Variants in HMGB1 observed in about 807,000 individuals in gnomAD.
HMGB1 encodes the protein high mobility group box 1.
For missense variants in HMGB1, 79 were observed against 253.5 expected (o/e 0.31, Z 4.67); for synonymous variants, 81 against 84.0 (o/e 0.96, Z 0.19).
intron 1 of HMGB1, among the ~76,000 whole-genome samples, chr13:30,538,536 C>CTTTCCTTTCTTT (rs1555238790): frequency 9.5e-6 from 1 of 105,298 alleles, no homozygotes; most frequent in African/African-American, 4.7e-5. Context: ...TTCTTTCTTT[C>CTTTCCTTTCTTT]CTTTCTTTCT....
At chr13:30,571,484 C>T (rs902487588) in intron 1 of HMGB1, among the ~76,000 whole-genome samples, 12 of 151,900 alleles carry the variant, frequency 7.9e-5, no homozygotes, top group South Asian at 6.2e-4. Flanking sequence ...TTAGTAGAGA[C>T]GGGGTTTCAC....
intron 1 of HMGB1, among the ~76,000 whole-genome samples, chr13:30,572,595 G>A (rs961574111): frequency 6.6e-6 from 1 of 152,134 alleles, no homozygotes; most frequent in South Asian, 2.1e-4. Context: ...TATTTCACCA[G>A]AGCAAGATAT....
chr13:30,538,637 TTCTTCC>T lies in HMGB1; in HGVS notation c.-14-74949_-14-74944del, dbSNP rs1485726372. On this transcript the variant is annotated intron_variant, in intron 1 of 4. Coordinates refer to the HMGB1 transcript ENST00000405805. ...TCTTTCTCTCTCTCTTTCTTTTTCT[TTCTTCC>T]TTTCTTTCTTTCTTTCTTTCCTTTC... Among the ~76,000 whole-genome samples, 192 of 121,154 alleles carry T rather than the reference TTCTTCC, an allele frequency of 1.6e-3. 10 individuals carry two copies. The highest frequency in any genetic ancestry group is 6.8e-3 in the African/African-American group (170 of 24,910). 79.5% of individuals were successfully genotyped at this position (121,154 alleles called of 152,430 possible).
At chr13:30,485,446 C>T (rs745963985) in intron 1 of HMGB1, among the ~76,000 whole-genome samples, 12 of 152,332 alleles carry the variant, frequency 7.9e-5, no homozygotes, top group Admixed American at 2.6e-4. Context: ...CTCAGCATGC[C>T]GCAGCCATCA....
At chr13:30,615,236 C>A (rs1950549630) in intron 1 of HMGB1, among the ~76,000 whole-genome samples, 1 of 152,078 alleles carries the variant, frequency 6.6e-6, no homozygotes, top group South Asian at 2.1e-4. Context: ...ACTGAAATAA[C>A]TAAAATGTCT....
At chr13:30,580,440 A>G (rs1870849048) in intron 1 of HMGB1, among the ~76,000 whole-genome samples, 2 of 152,240 alleles carry the variant, frequency 1.3e-5, no homozygotes. Flanking sequence ...TTGGGCTCAC[A>G]GTTAGACATC....
upstream of HMGB1, among the ~76,000 whole-genome samples, chr13:30,470,288 C>T (rs957157923): frequency 1.3e-5 from 2 of 152,182 alleles, no homozygotes; most frequent in Non-Finnish European, 2.9e-5. Context: ...TGAAGGAGTA[C>T]GTATTGCAAA....
At chr13:30,535,430 G>A (rs2137491397) in intron 1 of HMGB1, among the ~76,000 whole-genome samples, 1 of 152,338 alleles carries the variant, frequency 6.6e-6, no homozygotes, top group African/African-American at 2.4e-5. Flanking sequence ...CTGGAAAGAT[G>A]ATTGATACTA....
At chr13:30,583,435 C>G (rs1246463027) in intron 1 of HMGB1, among the ~76,000 whole-genome samples, 1 of 144,758 alleles carries the variant, frequency 6.9e-6, no homozygotes, top group African/African-American at 2.6e-5. Flanking sequence ...GGCGGCTGAG[C>G]TGGGAGGATC....
intron 1 of HMGB1, chr13:30,464,023 G>C (rs549485718): frequency 2.5e-6 from 2 of 811,034 alleles, no homozygotes; most frequent in Non-Finnish European, 3.0e-6. Flanking sequence ...TTAAAATCTA[G>C]AACACCATTT....
chr13:30,502,757 C>T (rs186668589), intron 1 of HMGB1, among the ~76,000 whole-genome samples: 1 of 152,074 alleles, frequency 6.6e-6, no homozygotes, highest in East Asian at 1.9e-4. Context: ...CTCACTGCAA[C>T]CTCTGCCTCC....
At chr13:30,560,708 G>A (rs550476332) in intron 1 of HMGB1, among the ~76,000 whole-genome samples, 1 of 152,276 alleles carries the variant, frequency 6.6e-6, no homozygotes, top group South Asian at 2.1e-4. Context: ...AGAGAATAAA[G>A]AAGAAAGGAT....
chr13:30,468,674 C>T (rs896521465), upstream of HMGB1, among the ~76,000 whole-genome samples: 3 of 152,148 alleles, frequency 2.0e-5, no homozygotes, highest in African/African-American at 7.2e-5. Context: ...AGTTTAAAAA[C>T]CACCACTTGC....
chr13:30,513,874 T>C (rs1045161689), intron 1 of HMGB1, among the ~76,000 whole-genome samples: 1 of 152,172 alleles, frequency 6.6e-6, no homozygotes, highest in Non-Finnish European at 1.5e-5. Context: ...ATTCAAACCA[T>C]AGCAATACTA....
intron 1 of HMGB1, among the ~76,000 whole-genome samples, chr13:30,593,584 T>G: frequency 6.6e-6 from 1 of 152,250 alleles, no homozygotes; most frequent in East Asian, 1.9e-4. Context: ...TATCTTACTC[T>G]AAACATTTTC....
Position 30,577,026 on chromosome 13 carries a change from C to A in HMGB1, c.-15+39645G>T, listed in dbSNP as rs570626994. 9.3e-4 allele frequency among the ~76,000 whole-genome samples: 142 copies of A among 152,228 alleles called. 3 individuals carry two copies. The highest frequency in any genetic ancestry group is 3.2e-3 in the African/African-American group (133 of 41,542). On this transcript the variant is annotated intron_variant, in intron 1 of 4. Coordinates refer to the HMGB1 transcript ENST00000405805. ...GTGAGGTCAAAGGTGGAGCCCTGAT[C>A]TGATAGGATCAGTGTCCTTATAAGA...
At chr13:30,479,366 T>TTC (rs1162778000) in intron 1 of HMGB1, among the ~76,000 whole-genome samples, 1 of 152,174 alleles carries the variant, frequency 6.6e-6, no homozygotes, top group Non-Finnish European at 1.5e-5. Flanking sequence ...TTCAGACTCC[T>TTC]ATTCCCACCA....
chr13:30,475,159 TGAGAC>T (rs1887061108), intron 1 of HMGB1, among the ~76,000 whole-genome samples: 1 of 98,692 alleles, frequency 1.0e-5, no homozygotes, highest in African/African-American at 3.6e-5. Flanking sequence ...TTTTTTTTTT[TGAGAC>T]AGGGTCTCGC....
chr13:30,465,961 T>A, upstream of HMGB1: 1 of 986,040 alleles, frequency 1.0e-6, no homozygotes, highest in Non-Finnish European at 1.2e-6. Flanking sequence ...GCGGCTCCTA[T>A]TGGCTACCGC....
Sources: gnomAD v4.1 joint callset for allele counts (sites outside exome capture counted in the v4.1 genomes callset) on GRCh38, gnomAD v4.1.1 for gene constraint, MANE v1.5 for transcripts, NCBI Gene and HGNC (gene_info 2026-07-23, HGNC 2026-07-21) for gene names.